Variants in CCSER1 observed in about 807,000 individuals in gnomAD.
CCSER1 encodes the protein coiled-coil serine rich protein 1.
In CCSER1, 41 loss-of-function variants were observed where a neutral mutation model predicts 82.0. That is an observed-to-expected ratio of 0.50 (90% CI 0.39 to 0.65). The LOEUF (loss-of-function observed/expected upper bound fraction) is 0.65, where lower values mean the gene tolerates loss of function less well. Among genes scored for constraint, CCSER1 ranks in the 30% least tolerant of loss-of-function variants. The probability of loss-of-function intolerance (pLI) is 0.00; values close to 1 mark genes in which losing one functional copy is unlikely to be tolerated. For synonymous variants in CCSER1, 414 were observed against 383.9 expected, an observed-to-expected ratio of 1.08 and a Z score of -0.92; for missense variants, 1,119 against 1,064.2, an observed-to-expected ratio of 1.05 and a Z score of -0.72.
chr4:90,976,298 A>G (rs967520082), intron 9 of CCSER1, among the ~76,000 whole-genome samples: 1 of 151,382 alleles, frequency 6.6e-6, no homozygotes, highest in African/African-American at 2.4e-5. Flanking sequence ...AAATCAAAAT[A>G]CAACTCATGA....
chr4:90,783,286 G>T (rs957558098), intron 7 of CCSER1, among the ~76,000 whole-genome samples: 9 of 152,082 alleles, frequency 5.9e-5, no homozygotes, highest in African/African-American at 1.9e-4. Flanking sequence ...GGGCTCATCA[G>T]ATAAATTAGG....
intron 10 of CCSER1, among the ~76,000 whole-genome samples, chr4:91,585,858 A>G (rs954813714): frequency 2.0e-5 from 3 of 151,734 alleles, no homozygotes; most frequent in African/African-American, 7.2e-5. Context: ...GTAGGCCATT[A>G]CAAGAATATT....
At chr4:91,569,269 C>G (rs1355772843) in intron 10 of CCSER1, among the ~76,000 whole-genome samples, 1 of 152,064 alleles carries the variant, frequency 6.6e-6, no homozygotes, top group Non-Finnish European at 1.5e-5. Flanking sequence ...GTGTGGGTTC[C>G]TCTCCCCTTG....
chr4:90,743,056 A>G (rs372454179), intron 7 of CCSER1, among the ~76,000 whole-genome samples: 2 of 152,210 alleles, frequency 1.3e-5, no homozygotes, highest in Non-Finnish European at 1.5e-5. Flanking sequence ...TGGCATGTTG[A>G]TGGCACAAAT....
chr4:90,194,737 A>G (rs1368048030), intron 1 of CCSER1, among the ~76,000 whole-genome samples: 1 of 152,068 alleles, frequency 6.6e-6, no homozygotes, highest in Non-Finnish European at 1.5e-5. Context: ...AAGAAAGCAC[A>G]CTTTGTTTCC....
At chr4:90,167,794 G>A (rs1730785849) in intron 1 of CCSER1, among the ~76,000 whole-genome samples, 1 of 152,032 alleles carries the variant, frequency 6.6e-6, no homozygotes, top group Admixed American at 6.6e-5. Context: ...TCCCTACAAA[G>A]GACATGAACT....
chr4:90,547,488 T>A (rs951435782), intron 5 of CCSER1, among the ~76,000 whole-genome samples: 1 of 152,070 alleles, frequency 6.6e-6, no homozygotes, highest in African/African-American at 2.4e-5. Flanking sequence ...ATTTTTAGTC[T>A]TGCAGTCTAA....
intron 10 of CCSER1, among the ~76,000 whole-genome samples, chr4:91,218,678 T>C (rs1737493192): frequency 6.6e-6 from 1 of 152,194 alleles, no homozygotes; most frequent in Non-Finnish European, 1.5e-5. Flanking sequence ...ACTTTCCCCT[T>C]TGTTGTGAAG....
chr4:91,379,424 T>G (rs1750695569), intron 10 of CCSER1, among the ~76,000 whole-genome samples: 1 of 152,206 alleles, frequency 6.6e-6, no homozygotes, highest in African/African-American at 2.4e-5. Context: ...TTGCCTCAAT[T>G]TCAGAGCCTG....
chr4:90,478,738 T>C (rs530476702), intron 5 of CCSER1, among the ~76,000 whole-genome samples: 1 of 151,512 alleles, frequency 6.6e-6, no homozygotes, highest in Admixed American at 6.6e-5. Context: ...TTTCTTTTTT[T>C]TTTTTTTTTT....
intron 1 of CCSER1, among the ~76,000 whole-genome samples, chr4:90,187,747 C>T (rs925571078): frequency 6.6e-6 from 1 of 151,766 alleles, no homozygotes; most frequent in African/African-American, 2.4e-5. Context: ...TGAGTAAACA[C>T]CACAGATGAA....
intron 6 of CCSER1, among the ~76,000 whole-genome samples, chr4:90,640,175 A>G (rs1409006142): frequency 1.3e-5 from 2 of 152,174 alleles, no homozygotes; most frequent in Non-Finnish European, 1.5e-5. Context: ...AGGAATTTCA[A>G]TATATAAAAC....
chr4:91,495,648 A>AT (rs1758761375), intron 10 of CCSER1, among the ~76,000 whole-genome samples: 2 of 151,512 alleles, frequency 1.3e-5, no homozygotes, highest in Admixed American at 6.6e-5. Flanking sequence ...CAATTTCATA[A>AT]TTTTGGTTTA....
intron 10 of CCSER1, among the ~76,000 whole-genome samples, chr4:91,420,315 G>A (rs1450301062): frequency 6.6e-6 from 1 of 152,038 alleles, no homozygotes; most frequent in Non-Finnish European, 1.5e-5. Flanking sequence ...GTTGAAATAT[G>A]TAAGGAACTC....
intron 5 of CCSER1, among the ~76,000 whole-genome samples, chr4:90,485,469 C>T (rs28493846): frequency 0.039 from 5,977 of 151,472 alleles, 185 homozygotes; most frequent in Non-Finnish European, 0.06. Context: ...GTGTCACTCA[C>T]GCTGGGAGCT....
chr4:90,413,818 G>A (rs1009478938), intron 4 of CCSER1, among the ~76,000 whole-genome samples: 17 of 149,030 alleles, frequency 1.1e-4, no homozygotes, highest in South Asian at 4.2e-4. Context: ...GCGTAGTGGC[G>A]GGCGCCTGTA....
chr4:91,081,863 G>A (rs1722796256), intron 9 of CCSER1, among the ~76,000 whole-genome samples: 1 of 152,122 alleles, frequency 6.6e-6, no homozygotes, highest in African/African-American at 2.4e-5. Flanking sequence ...CAAGGGACGT[G>A]AAGAACCTCT....
chr4:90,437,057 G>A (rs1305179035), intron 4 of CCSER1, among the ~76,000 whole-genome samples: 1 of 152,080 alleles, frequency 6.6e-6, no homozygotes, highest in Non-Finnish European at 1.5e-5. Flanking sequence ...TCCTGACCTT[G>A]TGATCCACCT....
At chr4:90,943,807 C>A (rs1731900099) in intron 9 of CCSER1, among the ~76,000 whole-genome samples, 1 of 140,444 alleles carries the variant, frequency 7.1e-6, no homozygotes, top group Admixed American at 7.5e-5. Flanking sequence ...AACTACTGGC[C>A]TCAAAACATC....
Sources: allele counts gnomAD v4.1 joint callset (sites outside exome capture counted in the v4.1 genomes callset), GRCh38; gene constraint gnomAD v4.1.1; transcripts MANE v1.5; gene names NCBI Gene and HGNC (gene_info 2026-07-23, HGNC 2026-07-21).